Variants in KLK7 observed in about 807,000 individuals in gnomAD.
KLK7 encodes the protein kallikrein-7.
Under a neutral mutation model 21.0 loss-of-function variants are expected in KLK7, and 17 were observed. That is an observed-to-expected ratio of 0.81 (90% CI 0.55 to 1.21). The LOEUF (loss-of-function observed/expected upper bound fraction) is 1.21, where lower values mean the gene tolerates loss of function less well. Among genes scored for constraint, KLK7 ranks in the 50% most tolerant of loss-of-function variants. KLK7 has a pLI of 0.00. For missense variants in KLK7, 330 were observed against 322.8 expected, an observed-to-expected ratio of 1.02 and a Z score of -0.17; for synonymous variants, 151 against 134.6, an observed-to-expected ratio of 1.12 and a Z score of -0.85.
At position 50,977,414 on chromosome 19, in the gene KLK7, G is replaced by A; in HGVS notation, c.*122C>T. On this transcript the variant is annotated 3_prime_UTR_variant, in exon 6 of 6. Coordinates refer to ENST00000595820, the MANE Select transcript of KLK7 (RefSeq NM_005046.4). ...TTTGATTGGTTTATCAACAGGGCAT[G>A]AGGTTGGTTTAAATATATCTTTGAG... The A allele has an allele frequency of 3.5e-6, 3 of 850,692 alleles. No individual in the cohort carries two copies. Among genetic ancestry groups the A allele is most frequent in the East Asian group, 2.5e-5 (1 of 39,702 alleles). The allele number at this position is 850,692 out of a possible 1,614,324, so 52.7% of individuals were successfully genotyped here. A position where few individuals can be genotyped will look rare whatever the true frequency, so the allele number is the denominator to read the frequency against.
chr19:50,983,447 A>T (rs1257792919), intron 1 of KLK7, among the ~76,000 whole-genome samples: 1 of 123,712 alleles, frequency 8.1e-6, no homozygotes, highest in East Asian at 2.6e-4. Context: ...CCTCCCTCAG[A>T]CCCAGGAGTC....
chr19:50,977,656 G>A lies in KLK7; in HGVS notation c.642C>T (p.Thr214=). 1 of 1,613,574 alleles carries A rather than the reference G, an allele frequency of 6.2e-7. No individual in the cohort carries two copies. The highest frequency in any genetic ancestry group is 1.1e-5 in the South Asian group (1 of 91,052). ...DSGGPLVCRG[T]LQGLVSWGTF... ...TTCCCCAGGACACCAGACCTTGCAG[G>A]GTACCTCTGCACACCAACGGTCCCC... Residue 214 remains threonine (T), a synonymous_variant, in exon 6 of 6, where the codon ACC becomes ACT. Transcript: ENST00000595820.
intron 1 of KLK7, among the ~76,000 whole-genome samples, chr19:50,983,211 C>T (rs148219423): frequency 0.43 from 22,378 of 52,146 alleles, 6,180 homozygotes; most frequent in Admixed American, 0.55. Context: ...GAGTCCAGGC[C>T]CCAGCCCCTC....
At chr19:50,978,526 AAG>A (rs1346428213) in intron 5 of KLK7, among the ~76,000 whole-genome samples, 3 of 144,592 alleles carry the variant, frequency 2.1e-5, no homozygotes, top group Non-Finnish European at 4.6e-5. Flanking sequence ...GAGACAGACA[AAG>A]AGATGAGGGA....
chr19:50,979,556 C>G (rs983870750), intron 5 of KLK7, among the ~76,000 whole-genome samples: 5 of 152,230 alleles, frequency 3.3e-5, no homozygotes, highest in Non-Finnish European at 7.3e-5. Flanking sequence ...GTCCCACCCC[C>G]ACTTTCTCAC....
At position 50,980,298 on chromosome 19, in the gene KLK7, G is replaced by C. The variant is rs753050757; in HGVS notation, c.411C>G (p.Cys137Trp). ...CAGTACAGGTGGTTCCAGGGGGTTC[G>C]CAGCGGGAGGGCAGCCTGACTTTCT... is the stretch of plus-strand genomic sequence containing the variant. ...MVKKVRLPSR[C>W]EPPGTTCTVS... Residue 137 changes from cysteine to tryptophan, a missense_variant, in exon 4 of 6, where the codon TGC becomes TGG. Transcript: ENST00000595820. The C allele has an allele frequency of 4.3e-6, 7 of 1,614,032 alleles. No homozygotes were observed. The Admixed American group carries it at 1.2e-4, about 27-fold the overall frequency.
At position 50,980,211 on chromosome 19, in the gene KLK7, T is replaced by G. The variant is rs1033981163; in HGVS notation, c.469+29A>C. On this transcript the variant is annotated intron_variant, in intron 4 of 5. Coordinates refer to ENST00000595820, the MANE Select transcript of KLK7 (RefSeq NM_005046.4). ...GGTCTGAGGGAGGAGGGCTGGGGCCTGCACTCCTGGGTCACTGAGGCCACC... is the reference window on the plus strand; with the variant it reads ...GGTCTGAGGGAGGAGGGCTGGGGCCGGCACTCCTGGGTCACTGAGGCCACC... The G allele has an allele frequency of 3.1e-6, 5 of 1,608,010 alleles. No individual in the cohort carries two copies. The Admixed American group carries it at 8.4e-5, about 27-fold the overall frequency.
intron 3 of KLK7, 35 bp downstream of exon 3, chr19:50,981,732 G>A (rs770311991): frequency 1.3e-6 from 2 of 1,533,352 alleles, no homozygotes; most frequent in South Asian, 2.5e-5. Context: ...TGGAGACGCT[G>A]GTGCACCTCC....
Position 50,981,846 on chromosome 19 carries a change from G to T in KLK7, c.142C>A (p.Leu48Ile), listed in dbSNP as rs750404196. Residue 48 changes from leucine (L) to isoleucine (I), a missense_variant, in exon 3 of 6, where the codon CTC (leucine) becomes ATC (isoleucine). Leu to Ile is a conservative substitution (Grantham distance 5). Transcript: ENST00000595820. ...RGSHPWQVAL[L>I]SGNQLHCGGV... ...CCGCAGTGGAGCTGATTGCCACTGA[G>T]CAGGGCCACCTGCCATGGGTGGGAG... 19 of 1,610,930 alleles carry T rather than the reference G, an allele frequency of 1.2e-5. No homozygotes were observed. Among genetic ancestry groups the T allele is most frequent in the Middle Eastern group, 1.7e-4 (1 of 6,052 alleles).
At position 50,981,808 on chromosome 19, in the gene KLK7, G is replaced by A; in HGVS notation, c.180C>T (p.Val60=). Residue 60 remains valine (V), a synonymous_variant, in exon 3 of 6, where the codon GTC becomes GTT. Transcript: ENST00000595820. ...CGGCAGTGAGCACCCAGCGCTCATT[G>A]ACCAGGACGCCTCCGCAGTGGAGCT... ...GNQLHCGGVL[V]NERWVLTAAH... is the part of the protein sequence containing the mutation. The A allele has an allele frequency of 6.3e-7, 1 of 1,597,110 alleles. No individual in the cohort carries two copies. The highest frequency in any genetic ancestry group is 1.1e-5 in the South Asian group (1 of 87,836).
chr19:50,979,197 G>C (rs1035718621), intron 5 of KLK7, among the ~76,000 whole-genome samples: 1 of 152,116 alleles, frequency 6.6e-6, no homozygotes, highest in African/African-American at 2.4e-5. Flanking sequence ...TGAGTCATCA[G>C]CTTCAGGCAC....
chr19:50,980,465 T>C lies in KLK7; in HGVS notation c.244A>G (p.Ser82Gly). The change falls in exon 4 of 6, where the codon AGT (serine) becomes GGT (glycine). Residue 82 changes from serine (S) to glycine (G), a missense_variant. Transcript: ENST00000595820. ...GCTCTCCTGTCGCCCAGCGTATCAC[T>C]GCCCAGGTGCACGGTGTACTCACTG... Reference protein sequence around the residue: ...KMNEYTVHLGSDTLGDRRAQR... With the variant: ...KMNEYTVHLGGDTLGDRRAQR... 1 of 1,613,878 alleles carries C rather than the reference T, an allele frequency of 6.2e-7. No individual in the cohort carries two copies. Among genetic ancestry groups the C allele is most frequent in the Non-Finnish European group, 8.5e-7 (1 of 1,179,918 alleles).
chr19:50,980,737 G>A (rs1482767823), intron 3 of KLK7, among the ~76,000 whole-genome samples: 1 of 75,458 alleles, frequency 1.3e-5, no homozygotes, highest in Non-Finnish European at 2.5e-5. Context: ...GGAGGGGGGA[G>A]AGAGACACAG....
chr19:50,982,479 G>A (rs2091097289), intron 1 of KLK7, 22 bp from the exon 2 acceptor site: 1 of 1,536,366 alleles, frequency 6.5e-7, no homozygotes. Flanking sequence ...AAAGCATTCA[G>A]GCCCAGCCCC....
At chr19:50,978,372 G>T (rs1271118277) in intron 5 of KLK7, among the ~76,000 whole-genome samples, 1 of 152,050 alleles carries the variant, frequency 6.6e-6, no homozygotes, top group Non-Finnish European at 1.5e-5. Context: ...GAGCAAGGAG[G>T]ATGGGTGTGG....
intron 5 of KLK7, among the ~76,000 whole-genome samples, chr19:50,978,750 AAGAAAG>A (rs2091055043): frequency 6.9e-6 from 1 of 145,058 alleles, no homozygotes; most frequent in Non-Finnish European, 1.5e-5. Context: ...AGAGAGATAG[AAGAAAG>A]AGAAAGAGAG....
At position 50,977,516 on chromosome 19, in the gene KLK7, T is replaced by G; in HGVS notation, c.*20A>C. The G allele has an allele frequency of 6.2e-7, 1 of 1,611,042 alleles. No individual in the cohort carries two copies. Among genetic ancestry groups the G allele is most frequent in the Non-Finnish European group, 8.5e-7 (1 of 1,177,406 alleles). ...TGCATTTTCTGTTGGAAGCACACAG[T>G]TAATTAACTCAGTGTGGCGTTAGCG... is the stretch of plus-strand genomic sequence containing the variant. On this transcript the variant is annotated 3_prime_UTR_variant, in exon 6 of 6. Coordinates refer to ENST00000595820, the MANE Select transcript of KLK7 (RefSeq NM_005046.4).
intron 3 of KLK7, 148 bp from the exon 4 acceptor site, chr19:50,980,635 G>C: frequency 1.2e-6 from 1 of 864,230 alleles, no homozygotes. Context: ...GACCCAGAGA[G>C]AGGGGAACAG....
Position 50,978,146 on chromosome 19 carries a change from G to C in KLK7, c.607-455C>G, listed in dbSNP as rs541645078. Among the ~76,000 whole-genome samples the C allele has an allele frequency of 2.0e-5, 3 of 152,316 alleles. No individual in the cohort carries two copies. The South Asian group carries it at 6.2e-4, about 32-fold the overall frequency. On this transcript the variant is annotated intron_variant, in intron 5 of 5. Coordinates refer to ENST00000595820, the MANE Select transcript of KLK7 (RefSeq NM_005046.4). ...GGGCCCTTTGTTCAAAAATTATTGA[G>C]AATTTCAAGACAACAGCAGGAATGC... is the stretch of plus-strand genomic sequence containing the variant.
Sources: gnomAD v4.1 joint callset for allele counts (sites outside exome capture counted in the v4.1 genomes callset) on GRCh38, gnomAD v4.1.1 for gene constraint, MANE v1.5 for transcripts, NCBI Gene and HGNC (gene_info 2026-07-23, HGNC 2026-07-21) for gene names.